RPS6KC1: variants seen among roughly 807,000 people sequenced by gnomAD.
RPS6KC1 encodes the protein inactive ribosomal protein S6 kinase delta-1.
Under a neutral mutation model 103.8 loss-of-function variants are expected in RPS6KC1, and 54 were observed. The ratio of observed to expected loss-of-function variants is 0.52; its 90% CI spans 0.42 to 0.65. The LOEUF is 0.65. RPS6KC1 is among the 30% of genes least tolerant of loss of function. RPS6KC1 has a pLI of 0.00. For synonymous variants in RPS6KC1, 439 were observed against 438.7 expected (o/e 1.00, Z -0.01); for missense variants, 1,151 against 1,253.8 (o/e 0.92, Z 1.24).
chr1:213,114,872 T>C (rs1389164832), intron 4 of RPS6KC1, among the ~76,000 whole-genome samples: 1 of 152,242 alleles, frequency 6.6e-6, no homozygotes, highest in Admixed American at 6.5e-5. Flanking sequence ...TTTGCATATA[T>C]TGAACCAGCC....
downstream of RPS6KC1, among the ~76,000 whole-genome samples, chr1:213,279,444 A>G (rs959067040): frequency 6.6e-6 from 1 of 152,348 alleles, no homozygotes; most frequent in East Asian, 1.9e-4. Context: ...GAGACAAACC[A>G]GGAAAACTTA....
At chr1:213,723,227 G>T in the RPS6KC1 span, among the ~76,000 whole-genome samples, 1 of 152,178 alleles carries the variant, frequency 6.6e-6, no homozygotes, top group Non-Finnish European at 1.5e-5. Context: ...GACTATTAAA[G>T]AATTAGTGCT....
chr1:213,667,095 T>C, the RPS6KC1 span, among the ~76,000 whole-genome samples: 1 of 152,158 alleles, frequency 6.6e-6, no homozygotes, highest in Non-Finnish European at 1.5e-5. Flanking sequence ...TTGGGCATGC[T>C]CAAGTTCCAG....
At chr1:213,059,053 T>C (rs1484856448) in intron 1 of RPS6KC1, among the ~76,000 whole-genome samples, 2 of 152,272 alleles carry the variant, frequency 1.3e-5, no homozygotes, top group Non-Finnish European at 2.9e-5. Flanking sequence ...TTTTCAGCTT[T>C]TCTTTGCTAA....
the RPS6KC1 span, among the ~76,000 whole-genome samples, chr1:213,342,499 G>C: frequency 6.6e-6 from 1 of 152,208 alleles, no homozygotes; most frequent in Non-Finnish European, 1.5e-5. Flanking sequence ...AGGGCTCTTA[G>C]TATATGGCTC....
the RPS6KC1 span, among the ~76,000 whole-genome samples, chr1:213,497,326 G>C: frequency 6.6e-6 from 1 of 151,812 alleles, no homozygotes; most frequent in South Asian, 2.1e-4. Flanking sequence ...TATGGTACAG[G>C]CTGTTTTCTG....
At chr1:213,544,605 C>A in the RPS6KC1 span, among the ~76,000 whole-genome samples, 3 of 152,228 alleles carry the variant, frequency 2.0e-5, no homozygotes, top group East Asian at 5.8e-4. Context: ...TATAGGTTAT[C>A]CTTGCACACC....
At chr1:213,663,312 G>A in the RPS6KC1 span, among the ~76,000 whole-genome samples, 1 of 152,318 alleles carries the variant, frequency 6.6e-6, no homozygotes, top group South Asian at 2.1e-4. Context: ...CTCAGAGAGT[G>A]TTTACTTCAA....
At chr1:213,659,669 A>G in the RPS6KC1 span, among the ~76,000 whole-genome samples, 4 of 151,932 alleles carry the variant, frequency 2.6e-5, no homozygotes, top group African/African-American at 9.7e-5. Context: ...ACTGGCATAA[A>G]TGTTCAAGTT....
the RPS6KC1 span, chr1:213,820,776 C>G: frequency 6.6e-6 from 1 of 152,168 alleles, no homozygotes; most frequent in Non-Finnish European, 1.5e-5. Context: ...AGGCCAGTCA[C>G]GCTTCAGCCC....
chr1:213,627,851 C>T, the RPS6KC1 span, among the ~76,000 whole-genome samples: 4 of 152,100 alleles, frequency 2.6e-5, no homozygotes, highest in Admixed American at 6.5e-5. Flanking sequence ...ATTTTGGAAT[C>T]GATGTTCATC....
At chr1:213,320,105 A>G in the RPS6KC1 span, among the ~76,000 whole-genome samples, 2 of 152,212 alleles carry the variant, frequency 1.3e-5, no homozygotes, top group Admixed American at 6.5e-5. Flanking sequence ...GAGTATAACA[A>G]GTTCACTGTA....
chr1:213,841,445 A>G, the RPS6KC1 span: 3 of 152,228 alleles, frequency 2.0e-5, no homozygotes, highest in African/African-American at 7.2e-5. Context: ...CTTAAGGATG[A>G]TCACCATGTA....
rs535277733 is a variant in RPS6KC1, at chr1:213,175,375, A to G, written c.952-1025A>G. Among the ~76,000 whole-genome samples the G allele has an allele frequency of 3.3e-5, 5 of 152,308 alleles. No homozygotes were observed. The South Asian group carries it at 8.3e-4, about 25-fold the overall frequency. ...CCTTACCATGGTGTTTGATCAGGAT[A>G]TTTTATCTTCCATTCATAGGGTCAG... On this transcript the variant is annotated intron_variant, in intron 7 of 14. Transcript: ENST00000366960.
At chr1:213,602,142 C>CT in the RPS6KC1 span, among the ~76,000 whole-genome samples, 1 of 64,900 alleles carries the variant, frequency 1.5e-5, no homozygotes, top group African/African-American at 6.3e-5. Flanking sequence ...TTCTTTCTTT[C>CT]TTTCTTTCTT....
chr1:213,308,584 A>G, the RPS6KC1 span, among the ~76,000 whole-genome samples: 361 of 152,300 alleles, frequency 2.4e-3, 2 homozygotes, highest in African/African-American at 8.1e-3. Context: ...GTCATTTCAG[A>G]CCAATTATGG....
rs750997657 is a variant in RPS6KC1 at position 213,104,554 on chromosome 1, T to G, written c.363T>G (p.Leu121=). Residue 121 remains leucine (L), a synonymous_variant, in exon 4 of 15, where the codon CTT becomes CTG. Transcript: ENST00000366960. ...NIPALYNSKQ[L]EDFFKGGIIN... ...CTGCTCTTTACAATAGTAAACAGCT[T>G]GAAGACTTTTTCAAGGTTTGGTAGT... is the stretch of plus-strand genomic sequence containing the variant. The G allele has an allele frequency of 1.7e-5, 27 of 1,588,028 alleles. No individual in the cohort carries two copies. The highest frequency in any genetic ancestry group is 6.7e-5 in the African/African-American group (5 of 74,334).
chr1:213,634,672 A>G, the RPS6KC1 span, among the ~76,000 whole-genome samples: 1 of 152,182 alleles, frequency 6.6e-6, no homozygotes, highest in Non-Finnish European at 1.5e-5. Context: ...TAAAAGAACC[A>G]GAGAAGCAGG....
chr1:213,744,718 T>C, the RPS6KC1 span, among the ~76,000 whole-genome samples: 1 of 152,250 alleles, frequency 6.6e-6, no homozygotes, highest in African/African-American at 2.4e-5. Flanking sequence ...CTCATACTCC[T>C]TACACTCCAG....
Sources: allele counts gnomAD v4.1 joint callset (sites outside exome capture counted in the v4.1 genomes callset), GRCh38; gene constraint gnomAD v4.1.1; transcripts MANE v1.5; gene names NCBI Gene and HGNC (gene_info 2026-07-23, HGNC 2026-07-21).